Variants in PAFAH1B1 observed in about 807,000 individuals in gnomAD.
PAFAH1B1 encodes the protein platelet activating factor acetylhydrolase 1b regulatory subunit 1, also known as platelet-activating factor acetylhydrolase IB subunit beta.
A neutral mutation model predicts 57.5 loss-of-function variants in PAFAH1B1; 2 were observed. That is an observed-to-expected ratio of 0.03 (90% CI 0.01 to 0.11). The LOEUF (loss-of-function observed/expected upper bound fraction) is 0.11, where lower values mean the gene tolerates loss of function less well. Ranked by LOEUF, PAFAH1B1 falls within the 10% of genes least tolerant of loss-of-function variation. The probability of loss-of-function intolerance (pLI) is 1.00; values close to 1 mark genes in which losing one functional copy is unlikely to be tolerated. For synonymous variants in PAFAH1B1, 152 were observed against 169.6 expected (o/e 0.90, Z 0.81); for missense variants, 257 against 512.0 (o/e 0.50, Z 4.81).
chr17:2,667,792 G>T (rs532763307), intron 5 of PAFAH1B1, among the ~76,000 whole-genome samples: 7 of 151,778 alleles, frequency 4.6e-5, no homozygotes. Flanking sequence ...TATAAATTAC[G>T]TATTTCATTA....
At chr17:2,621,607 CTTTTTTTTTTTTTTTTTTTTTTTT>C (rs534219431) in intron 1 of PAFAH1B1, among the ~76,000 whole-genome samples, 1 of 84,762 alleles carries the variant, frequency 1.2e-5, no homozygotes, top group Non-Finnish European at 2.0e-5. Context: ...GATAATCTGT[CTTTTTTTTTTTTTTTTTTTTTTTT>C]TTTTTTTTTT....
In PAFAH1B1 at chr17:2,665,271, A is replaced by C. The variant is rs937262360; in HGVS notation, c.33-101A>C. 3.9e-5 allele frequency: 29 copies of C among 743,918 alleles called. No individual in the cohort carries two copies. The East Asian group carries it at 7.7e-4, about 20-fold the overall frequency. 46.1% of individuals were successfully genotyped at this position (743,918 alleles called of 1,614,324 possible). A position where few individuals can be genotyped will look rare whatever the true frequency, so the allele number is the denominator to read the frequency against. ...TATGATTTGAAAGGGAATACTCTTG[A>C]AAAGAGTATCTTCAGGGTTAATGAG... On this transcript the variant is annotated intron_variant, in intron 2 of 10. Transcript: ENST00000397195.
At position 2,683,745 on chromosome 17, in the gene PAFAH1B1, T is replaced by C. The variant is rs540633363; in HGVS notation, c.*1943T>C. 2.0e-5 allele frequency: 3 copies of C among 152,766 alleles called. No homozygotes were observed. Among genetic ancestry groups the C allele is most frequent in the South Asian group, 4.1e-4 (2 of 4,830 alleles). The allele number at this position is 152,766 out of a possible 1,614,324, so 9.5% of individuals were successfully genotyped here. A position where few individuals can be genotyped will look rare whatever the true frequency, so the allele number is the denominator to read the frequency against. On this transcript the variant is annotated 3_prime_UTR_variant, in exon 11 of 11. Transcript: ENST00000397195. ...CCCTGCTTACATTGAAAAGTCTTTT[T>C]CCCTTAGCTCTTCTGACTGGATTTT...
intron 1 of PAFAH1B1, among the ~76,000 whole-genome samples, chr17:2,634,709 G>A (rs2068599432): frequency 6.6e-6 from 1 of 151,828 alleles, no homozygotes; most frequent in Admixed American, 6.6e-5. Flanking sequence ...TATTGGCCCT[G>A]GGATAAATTA....
rs554738637 is a variant in PAFAH1B1, at chr17:2,601,341, G to T, written c.-191+7335G>T. Among the ~76,000 whole-genome samples, 5 of 151,852 alleles carry T rather than the reference G, an allele frequency of 3.3e-5. No homozygotes were observed. The South Asian group carries it at 1.0e-3, about 32-fold the overall frequency. On this transcript the variant is annotated intron_variant, in intron 1 of 10. Coordinates refer to ENST00000397195, the MANE Select transcript of PAFAH1B1 (RefSeq NM_000430.4). ...TAATAGAGATGGGGGGTCTCTGTTG[G>T]CCAGGCTGGTCTCGAACTCCTGACC...
intron 1 of PAFAH1B1, among the ~76,000 whole-genome samples, chr17:2,616,422 T>C (rs2068341246): frequency 6.6e-6 from 1 of 152,146 alleles, no homozygotes; most frequent in Admixed American, 6.6e-5. Flanking sequence ...TCAAAATCTG[T>C]AGGGTAGGCT....
At chr17:2,598,825 G>A (rs978856248) in intron 1 of PAFAH1B1, among the ~76,000 whole-genome samples, 4 of 152,048 alleles carry the variant, frequency 2.6e-5, no homozygotes, top group Non-Finnish European at 5.9e-5. Context: ...TTTTTGGATT[G>A]TTCTTTGTTG....
At chr17:2,642,797 G>A (rs1298947747) in intron 2 of PAFAH1B1, among the ~76,000 whole-genome samples, 1 of 152,084 alleles carries the variant, frequency 6.6e-6, no homozygotes. Flanking sequence ...CTCTTTGCAT[G>A]ATGGTATTAC....
At chr17:2,636,430 T>C (rs1339472002) in intron 1 of PAFAH1B1, among the ~76,000 whole-genome samples, 1 of 152,232 alleles carries the variant, frequency 6.6e-6, no homozygotes, top group Non-Finnish European at 1.5e-5. Flanking sequence ...CTGTCACTTT[T>C]TCACTCAGGG....
intron 2 of PAFAH1B1, among the ~76,000 whole-genome samples, chr17:2,649,969 A>C (rs1216341883): frequency 6.6e-6 from 1 of 152,216 alleles, no homozygotes; most frequent in East Asian, 1.9e-4. Context: ...TAACAGTATA[A>C]AGTGGTAGAG....
intron 6 of PAFAH1B1, among the ~76,000 whole-genome samples, chr17:2,671,771 T>C (rs937196467): frequency 4.6e-5 from 7 of 151,870 alleles, no homozygotes; most frequent in African/African-American, 1.7e-4. Flanking sequence ...CCCGGCTAAC[T>C]TTTTTATTTT....
chr17:2,634,833 G>GC (rs1283030405), intron 1 of PAFAH1B1, among the ~76,000 whole-genome samples: 3 of 152,136 alleles, frequency 2.0e-5, no homozygotes, highest in Admixed American at 6.6e-5. Context: ...TGCCTTCTTG[G>GC]CCGATGCTTC....
At chr17:2,617,599 G>A (rs1251722480) in intron 1 of PAFAH1B1, among the ~76,000 whole-genome samples, 2 of 152,150 alleles carry the variant, frequency 1.3e-5, no homozygotes, top group African/African-American at 4.8e-5. Context: ...AGCTGAAGCA[G>A]AATAAGAAGT....
chr17:2,630,721 C>T (rs1248672761), intron 1 of PAFAH1B1, among the ~76,000 whole-genome samples: 1 of 152,150 alleles, frequency 6.6e-6, no homozygotes, highest in Non-Finnish European at 1.5e-5. Context: ...TTTTAGAGTT[C>T]TCTTCTTCCT....
At chr17:2,603,741 C>CT (rs540782310) in intron 1 of PAFAH1B1, among the ~76,000 whole-genome samples, 26,133 of 144,238 alleles carry the variant, frequency 0.18, 2,879 homozygotes, top group Non-Finnish European at 0.26. Flanking sequence ...TCTCCAGATT[C>CT]TTTTTTTTTT....
At chr17:2,634,281 G>A (rs552727424) in intron 1 of PAFAH1B1, among the ~76,000 whole-genome samples, 1 of 152,138 alleles carries the variant, frequency 6.6e-6, no homozygotes, top group African/African-American at 2.4e-5. Flanking sequence ...GATTACAGGT[G>A]CTCGCCACCA....
intron 2 of PAFAH1B1, among the ~76,000 whole-genome samples, chr17:2,650,047 G>C (rs1173804436): frequency 1.3e-5 from 2 of 152,136 alleles, no homozygotes; most frequent in Non-Finnish European, 2.9e-5. Flanking sequence ...AGGAAGACTG[G>C]TAAGTTTGAC....
rs187627729 is a variant in PAFAH1B1, at chr17:2,598,688, G to A, written c.-191+4682G>A. On this transcript the variant is annotated intron_variant, in intron 1 of 10. Coordinates refer to ENST00000397195, the MANE Select transcript of PAFAH1B1 (RefSeq NM_000430.4). ...GTTCTGAAAAAAAGACAGACCTACC[G>A]TTCTCCAGAAGATGCTTAGCTGTAA... Among the ~76,000 whole-genome samples, 8 of 151,016 alleles carry A rather than the reference G, an allele frequency of 5.3e-5. No homozygotes were observed. In the East Asian group the frequency reaches 1.4e-3, roughly 26 times the overall value.
intron 9 of PAFAH1B1, among the ~76,000 whole-genome samples, chr17:2,679,390 ATGGATGGATGGATGAT>A (rs1284119201): frequency 6.7e-6 from 1 of 149,158 alleles, no homozygotes; most frequent in African/African-American, 2.5e-5. Flanking sequence ...GATTGGATGG[ATGGATGGATGGATGAT>A]TGGATGGATG....
Sources: allele counts gnomAD v4.1 joint callset (sites outside exome capture counted in the v4.1 genomes callset), GRCh38; gene constraint gnomAD v4.1.1; transcripts MANE v1.5; gene names NCBI Gene and HGNC (gene_info 2026-07-23, HGNC 2026-07-21).